Variants in HHAT observed in about 807,000 individuals in gnomAD.
HHAT encodes the protein hedgehog acyltransferase, also known as protein-cysteine N-palmitoyltransferase HHAT.
HHAT carries 47 observed loss-of-function variants against 70.8 expected under a neutral mutation model. The ratio of observed to expected loss-of-function variants is 0.66; its 90% CI spans 0.53 to 0.85. The LOEUF is 0.85. HHAT is among the 40% of genes least tolerant of loss of function. The pLI is 0.00. For missense variants in HHAT, 609 were observed against 604.8 expected (o/e 1.01, Z -0.07); for synonymous variants, 228 against 247.6 (o/e 0.92, Z 0.74).
intron 7 of HHAT, among the ~76,000 whole-genome samples, chr1:210,464,121 C>A (rs746946449): frequency 6.6e-6 from 1 of 151,602 alleles, no homozygotes; most frequent in African/African-American, 2.4e-5. Flanking sequence ...CCCTGTTATT[C>A]GGTCAAATAC....
At chr1:210,583,884 A>G (rs1235651938) in intron 9 of HHAT, among the ~76,000 whole-genome samples, 6 of 151,022 alleles carry the variant, frequency 4.0e-5, no homozygotes, top group Admixed American at 4.0e-4. Flanking sequence ...AAGATCAAGT[A>G]CCATTGGTGT....
At chr1:210,386,230 CTTTTTTTTTTTTTT>C (rs869305965) in intron 3 of HHAT, among the ~76,000 whole-genome samples, 3 of 69,922 alleles carry the variant, frequency 4.3e-5, no homozygotes, top group Admixed American at 1.8e-4. Context: ...TTCTTTTTTT[CTTTTTTTTTTTTTT>C]TTTTTTTTTT....
chr1:210,491,970 C>T (rs2094559000), intron 8 of HHAT, among the ~76,000 whole-genome samples: 1 of 152,104 alleles, frequency 6.6e-6, no homozygotes, highest in Non-Finnish European at 1.5e-5. Context: ...ACCATGTTGG[C>T]CAGACTGGTC....
intron 7 of HHAT, among the ~76,000 whole-genome samples, chr1:210,420,343 G>A (rs1335162813): frequency 1.3e-5 from 2 of 152,144 alleles, no homozygotes; most frequent in African/African-American, 4.8e-5. Flanking sequence ...TTTCACTGCT[G>A]TATGGCATTC....
chr1:210,560,330 C>A (rs1315128816), intron 9 of HHAT, among the ~76,000 whole-genome samples: 1 of 152,094 alleles, frequency 6.6e-6, no homozygotes, highest in Non-Finnish European at 1.5e-5. Flanking sequence ...CACTTAAAAA[C>A]AATGGGAATG....
At chr1:210,485,471 C>A (rs572374312) in intron 8 of HHAT, among the ~76,000 whole-genome samples, 1 of 152,216 alleles carries the variant, frequency 6.6e-6, no homozygotes, top group Non-Finnish European at 1.5e-5. Context: ...GACACACGGA[C>A]CTCTCCCACC....
At chr1:210,330,771 C>CT (rs2084917026) in intron 1 of HHAT, among the ~76,000 whole-genome samples, 1 of 152,116 alleles carries the variant, frequency 6.6e-6, no homozygotes, top group Non-Finnish European at 1.5e-5. Context: ...TTTTCATGGA[C>CT]TGGGGGAAGG....
At position 210,544,054 on chromosome 1, in the gene HHAT, G is replaced by A. The variant is rs557151983; in HGVS notation, c.1043+30866G>A. ...GTAAGATCCAAGATCTGTCTGTTTC[G>A]GGGTCTTTGGCCCTCTCAAACACTA... On this transcript the variant is annotated intron_variant, in intron 9 of 11. Coordinates refer to ENST00000261458, the MANE Select transcript of HHAT (RefSeq NM_018194.6). Among the ~76,000 whole-genome samples, 20 of 152,238 alleles carry A rather than the reference G, an allele frequency of 1.3e-4. No homozygotes were observed. In the South Asian group the frequency reaches 1.5e-3, roughly 11 times the overall value.
chr1:210,574,452 A>C (rs1462788807), intron 9 of HHAT, among the ~76,000 whole-genome samples: 1 of 152,252 alleles, frequency 6.6e-6, no homozygotes, highest in Non-Finnish European at 1.5e-5. Context: ...GGTTTAATTT[A>C]GGCCATAACA....
chr1:210,328,919 C>A lies in HHAT; in HGVS notation c.-229C>A. The A allele has an allele frequency of 1.1e-6, 1 of 928,624 alleles. No homozygotes were observed. 57.5% of individuals were successfully genotyped at this position (928,624 alleles called of 1,614,324 possible). ...GGGCGCGCGGGCACGGCGGCAGGGG[C>A]GTGCTCGGAGGACGCGCGCTGCGCT... is the stretch of plus-strand genomic sequence containing the variant. On this transcript the variant is annotated 5_prime_UTR_variant, in exon 1 of 12. Coordinates refer to ENST00000261458, the MANE Select transcript of HHAT (RefSeq NM_018194.6).
chr1:210,440,435 A>T (rs572419903), intron 7 of HHAT, among the ~76,000 whole-genome samples: 1 of 151,704 alleles, frequency 6.6e-6, no homozygotes, highest in Non-Finnish European at 1.5e-5. Context: ...CCCCCATGGC[A>T]ATCAGTCCTT....
At chr1:210,494,711 G>A (rs1223501011) in intron 8 of HHAT, among the ~76,000 whole-genome samples, 2 of 151,688 alleles carry the variant, frequency 1.3e-5, no homozygotes, top group Admixed American at 1.3e-4. Flanking sequence ...GCACCACCAT[G>A]CCTGGCTAAT....
intron 9 of HHAT, among the ~76,000 whole-genome samples, chr1:210,558,539 G>A (rs1037902343): frequency 6.6e-6 from 1 of 152,186 alleles, no homozygotes; most frequent in Non-Finnish European, 1.5e-5. Flanking sequence ...GCATAAGGGG[G>A]AAGGGATAGG....
chr1:210,514,644 T>C (rs2095023112), intron 9 of HHAT, among the ~76,000 whole-genome samples: 1 of 152,154 alleles, frequency 6.6e-6, no homozygotes, highest in Admixed American at 6.5e-5. Context: ...CAGAAACTTG[T>C]ATAGGATCAA....
chr1:210,328,653 T>C (rs776551750), upstream of HHAT, among the ~76,000 whole-genome samples: 18 of 152,204 alleles, frequency 1.2e-4, no homozygotes, highest in Non-Finnish European at 2.5e-4. Flanking sequence ...TGACTTCCAC[T>C]CTGCAATTAA....
intron 11 of HHAT, among the ~76,000 whole-genome samples, chr1:210,669,714 C>G (rs1326845605): frequency 6.6e-6 from 1 of 152,232 alleles, no homozygotes; most frequent in Non-Finnish European, 1.5e-5. Context: ...GGAAATTACA[C>G]ATATTGATTC....
At chr1:210,433,411 G>A (rs183658372) in intron 7 of HHAT, among the ~76,000 whole-genome samples, 8 of 151,946 alleles carry the variant, frequency 5.3e-5, no homozygotes, top group Admixed American at 2.6e-4. Flanking sequence ...ATCATGCGTC[G>A]TACATTATTG....
chr1:210,503,039 C>G (rs12733171), intron 8 of HHAT, among the ~76,000 whole-genome samples: 28,639 of 151,912 alleles, frequency 0.19, 3,281 homozygotes, highest in Admixed American at 0.29. Flanking sequence ...AATCCTGGCC[C>G]ACTGCAACCT....
chr1:210,359,848 C>T (rs1373330975), intron 2 of HHAT, among the ~76,000 whole-genome samples: 1 of 151,428 alleles, frequency 6.6e-6, no homozygotes, highest in Non-Finnish European at 1.5e-5. Flanking sequence ...ACCTAGGCGA[C>T]AGAGCGAGAC....
Sources: allele counts gnomAD v4.1 joint callset (sites outside exome capture counted in the v4.1 genomes callset), GRCh38; gene constraint gnomAD v4.1.1; transcripts MANE v1.5; gene names NCBI Gene and HGNC (gene_info 2026-07-23, HGNC 2026-07-21).